FAM193A: variants seen among roughly 807,000 people sequenced by gnomAD.
The protein encoded by FAM193A is protein FAM193A.
A neutral mutation model predicts 126.5 loss-of-function variants in FAM193A; 22 were observed. The ratio of observed to expected loss-of-function variants is 0.17; its 90% confidence interval spans 0.12 to 0.25. The LOEUF (loss-of-function observed/expected upper bound fraction) is 0.25, where lower values mean the gene tolerates loss of function less well. Among genes scored for constraint, FAM193A ranks in the 10% least tolerant of loss-of-function variants. The pLI is 1.00. For missense variants in FAM193A, 1,675 were observed against 1,672.8 expected, an observed-to-expected ratio of 1.00 and a Z score of -0.02; for synonymous variants, 761 against 646.8, an observed-to-expected ratio of 1.18 and a Z score of -2.68.
intron 19 of FAM193A, among the ~76,000 whole-genome samples, chr4:2,714,406 G>A (rs1013762333): frequency 1.3e-5 from 2 of 152,134 alleles, no homozygotes; most frequent in African/African-American, 2.4e-5. Flanking sequence ...TATTGGCTGC[G>A]TTTCCTTTAA....
At chr4:2,669,435 C>A (rs1352885031) in intron 12 of FAM193A, among the ~76,000 whole-genome samples, 1 of 151,956 alleles carries the variant, frequency 6.6e-6, no homozygotes, top group African/African-American at 2.4e-5. Flanking sequence ...GTGGTGAAAC[C>A]CCATCTCTTC....
intron 15 of FAM193A, among the ~76,000 whole-genome samples, chr4:2,693,165 T>C (rs753103658): frequency 2.0e-5 from 3 of 152,102 alleles, no homozygotes; most frequent in African/African-American, 4.8e-5. Flanking sequence ...ACTACAGGTA[T>C]GTGCCACCAC....
chr4:2,604,243 C>G (rs1455354423), intron 2 of FAM193A, among the ~76,000 whole-genome samples: 1 of 142,716 alleles, frequency 7.0e-6, no homozygotes, highest in East Asian at 2.0e-4. Flanking sequence ...ACTGTATTTG[C>G]TGTATTTGCT....
intron 15 of FAM193A, among the ~76,000 whole-genome samples, chr4:2,692,776 TAGATG>T (rs1472833147): frequency 6.7e-6 from 1 of 149,944 alleles, no homozygotes; most frequent in Admixed American, 6.6e-5. Context: ...GGTTATACCT[TAGATG>T]AGAGTATCCT....
Position 2,590,485 on chromosome 4 carries a change from AC to A in FAM193A, c.256-5598del, listed in dbSNP as rs758202384. ...TCTCAAAAAAAAAAAACAAAAAAAA[AC>A]AAAAAAAAACAAAAAAAAACAAAAA... On this transcript the variant is annotated intron_variant, in intron 1 of 20. Coordinates refer to ENST00000637812, the MANE Select transcript of FAM193A (RefSeq NM_001366318.2). Among the ~76,000 whole-genome samples, 465 of 83,406 alleles carry A rather than the reference AC, an allele frequency of 5.6e-3. 16 individuals are homozygous for A. The highest frequency in any genetic ancestry group is 0.026 in the African/African-American group (254 of 9,868). The allele number at this position is 83,406 out of a possible 152,430, so 54.7% of individuals were successfully genotyped here.
rs1214661171 is a variant in FAM193A at position 2,686,460 on chromosome 4, A to C, written c.2332-3046A>C. Among the ~76,000 whole-genome samples the C allele has an allele frequency of 2.0e-5, 3 of 152,248 alleles. No individual in the cohort carries two copies. The East Asian group carries it at 5.8e-4, about 29-fold the overall frequency. Reference sequence around the variant, plus strand: ...TTCACAGTCTAAAGAGAAGACAAAAACATAATCAAAATATCAAAATGTTGT... The same window carrying C: ...TTCACAGTCTAAAGAGAAGACAAAACCATAATCAAAATATCAAAATGTTGT... On this transcript the variant is annotated intron_variant, in intron 13 of 20. Transcript: ENST00000637812.
At chr4:2,630,334 A>AC (rs1484029521) in intron 4 of FAM193A, among the ~76,000 whole-genome samples, 1 of 151,814 alleles carries the variant, frequency 6.6e-6, no homozygotes. Context: ...AATTGTTAAA[A>AC]AAAAAAGATA....
intron 10 of FAM193A, 112 bp downstream of exon 10, chr4:2,660,166 C>A: frequency 8.4e-7 from 1 of 1,190,374 alleles, no homozygotes; most frequent in Non-Finnish European, 1.2e-6. Context: ...CTTTTCATGA[C>A]AAGGGACCCT....
intron 1 of FAM193A, among the ~76,000 whole-genome samples, chr4:2,587,076 C>G (rs1740279117): frequency 6.6e-6 from 1 of 152,038 alleles, no homozygotes; most frequent in Non-Finnish European, 1.5e-5. Flanking sequence ...TATCTTAGTC[C>G]GTTTGTGTTG....
At chr4:2,716,371 G>A (rs922737392) in intron 20 of FAM193A, among the ~76,000 whole-genome samples, 14 of 143,360 alleles carry the variant, frequency 9.8e-5, no homozygotes, top group African/African-American at 3.2e-4. Flanking sequence ...ACCCTTCCCC[G>A]CCAACTGGCT....
At chr4:2,717,562 C>G (rs1056892034) in intron 20 of FAM193A, among the ~76,000 whole-genome samples, 18 of 148,212 alleles carry the variant, frequency 1.2e-4, no homozygotes, top group African/African-American at 4.5e-4. Flanking sequence ...CACCATTGCA[C>G]TCCAGCCTGG....
chr4:2,672,425 GGAGTACATAGTCA>G, intron 13 of FAM193A, 53 bp downstream of exon 13: 1 of 1,593,064 alleles, frequency 6.3e-7, no homozygotes, highest in Non-Finnish European at 8.6e-7. Flanking sequence ...AGATCCTACA[GGAGTACATAGTCA>G]AACAAAGAAA....
intron 1 of FAM193A, among the ~76,000 whole-genome samples, chr4:2,581,073 GA>G (rs1739898210): frequency 6.6e-6 from 1 of 151,636 alleles, no homozygotes; most frequent in Non-Finnish European, 1.5e-5. Flanking sequence ...AGGTTGCAGT[GA>G]GCTGAGATTG....
intron 13 of FAM193A, among the ~76,000 whole-genome samples, chr4:2,684,990 G>C (rs1416745713): frequency 2.0e-5 from 3 of 152,192 alleles, no homozygotes; most frequent in African/African-American, 7.2e-5. Context: ...CGACTACAGG[G>C]CCTGAATCTA....
At position 2,597,182 on chromosome 4, in the gene FAM193A, C is replaced by T. The variant is rs762262290; in HGVS notation, c.501+853C>T. Among the ~76,000 whole-genome samples the T allele has an allele frequency of 3.0e-4, 45 of 152,172 alleles. 1 individual carries two copies. Among genetic ancestry groups the T allele is most frequent in the Non-Finnish European group, 1.0e-4 (7 of 68,034 alleles). On this transcript the variant is annotated intron_variant, in intron 2 of 20. Coordinates refer to ENST00000637812, the MANE Select transcript of FAM193A (RefSeq NM_001366318.2). ...TCTCATTGTCAGAATTACTTTCTCA[C>T]TCGGCCCCTCCCGCATGTCCCGCTT...
Position 2,537,013 on chromosome 4 carries a change from G to C in FAM193A, c.98G>C (p.Gly33Ala), listed in dbSNP as rs1362792424. 2 of 147,560 alleles carry C rather than the reference G, an allele frequency of 1.4e-5. No individual in the cohort carries two copies. The highest frequency in any genetic ancestry group is 3.0e-5 in the Non-Finnish European group (2 of 66,240). 9.1% of individuals were successfully genotyped at this position (147,560 alleles called of 1,614,324 possible). ...SGGGNGGASS[G>A]KAGPAAALRG... ...GGGGGTAACGGCGGCGCGAGCAGCGGCAAGGCCGGCCCGGCGGCGGCGCTG... is the reference window on the plus strand; with the variant it reads ...GGGGGTAACGGCGGCGCGAGCAGCGCCAAGGCCGGCCCGGCGGCGGCGCTG... The change falls in exon 1 of 21, where the codon GGC becomes GCC. Residue 33 changes from glycine (G) to alanine (A), a missense_variant. Gly to Ala is a moderately conservative substitution (Grantham distance 60). Around this residue, in one of 4 missense-constraint regions of FAM193A, gnomAD observed 1,186 missense variants for 1,109.2 expected, o/e 1.07. Transcript: ENST00000637812.
intron 13 of FAM193A, among the ~76,000 whole-genome samples, chr4:2,687,881 T>C (rs1194468281): frequency 6.6e-6 from 1 of 152,164 alleles, no homozygotes; most frequent in Non-Finnish European, 1.5e-5. Flanking sequence ...CCTGTCAGGG[T>C]GTAGCACTGT....
At chr4:2,554,682 CT>C (rs1738153532) in intron 1 of FAM193A, among the ~76,000 whole-genome samples, 2 of 152,074 alleles carry the variant, frequency 1.3e-5, no homozygotes, top group Non-Finnish European at 2.9e-5. Flanking sequence ...GTTGAAGTCT[CT>C]GCCTAAAATT....
intron 19 of FAM193A, among the ~76,000 whole-genome samples, chr4:2,714,042 C>G (rs1719280270): frequency 6.6e-6 from 1 of 152,172 alleles, no homozygotes; most frequent in Non-Finnish European, 1.5e-5. Context: ...TATTAGAAAT[C>G]TATTATGACA....
Sources: allele counts gnomAD v4.1 joint callset (sites outside exome capture counted in the v4.1 genomes callset), GRCh38; gene constraint gnomAD v4.1.1; regional missense constraint gnomAD v4.1.1; transcripts MANE v1.5; gene names NCBI Gene and HGNC (gene_info 2026-07-23, HGNC 2026-07-21).